Variants in PTPRD observed in about 807,000 individuals in gnomAD.
The protein encoded by PTPRD is protein tyrosine phosphatase receptor type D.
In PTPRD, 34 loss-of-function variants were observed where a neutral mutation model predicts 214.5. That is an observed-to-expected ratio of 0.16 (90% CI 0.12 to 0.21). The LOEUF is 0.21. Ranked by LOEUF, PTPRD falls within the 10% of genes least tolerant of loss-of-function variation. The pLI, the probability that PTPRD is intolerant of heterozygous loss-of-function variation, is 1.00. For synonymous variants in PTPRD, 1,128 were observed against 845.7 expected (o/e 1.33, Z -5.79); for missense variants, 2,545 against 2,398.7 (o/e 1.06, Z -1.27).
Position 9,822,701 on chromosome 9 carries a change from C to A in PTPRD, c.-367-55850G>T, listed in dbSNP as rs554856546. Among the ~76,000 whole-genome samples the A allele has an allele frequency of 5.9e-5, 9 of 151,924 alleles. 1 individual carries two copies. The East Asian group carries it at 1.6e-3, about 26-fold the overall frequency. On this transcript the variant is annotated intron_variant, in intron 5 of 45. Coordinates refer to ENST00000381196, the MANE Select transcript of PTPRD (RefSeq NM_002839.4). ...TAACAGAAAATAATCACAACCTACA[C>A]GTACTACAGATTGAGAATCACTAAT... is the stretch of plus-strand genomic sequence containing the variant.
chr9:10,393,293 GTGTGTGTGTGTT>G (rs1011282237), intron 2 of PTPRD, among the ~76,000 whole-genome samples: 5 of 151,720 alleles, frequency 3.3e-5, no homozygotes, highest in African/African-American at 1.2e-4. Flanking sequence ...TATTTTGTGT[GTGTGTGTGTGTT>G]TGTGTGTGTG....
intron 7 of PTPRD, among the ~76,000 whole-genome samples, chr9:9,676,462 T>G (rs2096932418): frequency 6.6e-6 from 1 of 152,070 alleles, no homozygotes; most frequent in Non-Finnish European, 1.5e-5. Flanking sequence ...GAACTCATCA[T>G]TTTTTATGGC....
Position 10,366,348 on chromosome 9 carries a change from G to C in PTPRD, c.-599-25331C>G, listed in dbSNP as rs181329319. 2.0e-5 allele frequency among the ~76,000 whole-genome samples: 3 copies of C among 152,274 alleles called. No homozygotes were observed. In the East Asian group the frequency reaches 5.8e-4, roughly 29 times the overall value. The stretch of plus-strand genomic sequence containing the variant: ...ACGGAAGGCTCATAAAGGTGAGAAA[G>C]TTTGCAGTTATCATTTTGACCTCTA... On this transcript the variant is annotated intron_variant, in intron 2 of 45. Coordinates refer to ENST00000381196, the MANE Select transcript of PTPRD (RefSeq NM_002839.4).
chr9:9,530,404 C>T (rs955984541), intron 8 of PTPRD, among the ~76,000 whole-genome samples: 2 of 152,058 alleles, frequency 1.3e-5, no homozygotes, highest in South Asian at 2.1e-4. Flanking sequence ...TGGATAAATT[C>T]CTGGACACAT....
intron 17 of PTPRD, 72 bp from the exon 18 acceptor site, chr9:8,525,107 C>G (rs2073714247): frequency 2.3e-6 from 3 of 1,299,598 alleles, no homozygotes; most frequent in East Asian, 4.6e-5. Flanking sequence ...AGCTAAACCT[C>G]TTAACAATAT....
intron 9 of PTPRD, among the ~76,000 whole-genome samples, chr9:9,236,358 T>C (rs1423675224): frequency 1.3e-5 from 2 of 151,978 alleles, no homozygotes; most frequent in African/African-American, 4.8e-5. Flanking sequence ...AATTTAAAAA[T>C]GGACACAAAG....
intron 35 of PTPRD, among the ~76,000 whole-genome samples, chr9:8,406,602 T>C (rs188752760): frequency 3.3e-5 from 5 of 152,306 alleles, no homozygotes; most frequent in African/African-American, 9.6e-5. Context: ...CCTGGCTCAG[T>C]AAATGGTCCA....
intron 11 of PTPRD, among the ~76,000 whole-genome samples, chr9:8,907,536 AT>A (rs1566940878): frequency 0.047 from 4,602 of 97,088 alleles, 120 homozygotes; most frequent in Non-Finnish European, 0.063. Context: ...AAAAAAAAAT[AT>A]ATATATATAT....
At chr9:8,830,521 G>T (rs77547370) in intron 11 of PTPRD, among the ~76,000 whole-genome samples, 1,891 of 152,152 alleles carry the variant, frequency 0.012, 28 homozygotes, top group African/African-American at 0.044. Context: ...CAGATGAGAG[G>T]TTTCAAGCAC....
intron 5 of PTPRD, among the ~76,000 whole-genome samples, chr9:9,908,989 C>T (rs553018231): frequency 1.1e-4 from 17 of 151,918 alleles, no homozygotes; most frequent in African/African-American, 4.1e-4. Flanking sequence ...TTAAAATTGA[C>T]ATGATCATAT....
chr9:9,851,715 G>A (rs1020924151), intron 5 of PTPRD, among the ~76,000 whole-genome samples: 11 of 152,154 alleles, frequency 7.2e-5, no homozygotes, highest in African/African-American at 2.7e-4. Flanking sequence ...AGGAGGTAAA[G>A]GCTACAGTTA....
chr9:10,033,139 A>G (rs2097113235), intron 4 of PTPRD, among the ~76,000 whole-genome samples: 2 of 151,388 alleles, frequency 1.3e-5, no homozygotes, highest in African/African-American at 4.8e-5. Context: ...ACACTCATAC[A>G]CACACAAACC....
chr9:9,064,561 T>C (rs1178046761), intron 10 of PTPRD, among the ~76,000 whole-genome samples: 5 of 152,194 alleles, frequency 3.3e-5, no homozygotes, highest in Non-Finnish European at 7.3e-5. Flanking sequence ...CTGATGAACA[T>C]GGCATACAAC....
intron 3 of PTPRD, among the ~76,000 whole-genome samples, chr9:10,159,614 C>T (rs1009082846): frequency 2.6e-5 from 4 of 151,494 alleles, no homozygotes; most frequent in Admixed American, 6.6e-5. Context: ...TCCCAGATAA[C>T]ATAGAAAAAT....
At chr9:8,722,376 ACC>A (rs2098510136) in intron 12 of PTPRD, among the ~76,000 whole-genome samples, 1 of 152,222 alleles carries the variant, frequency 6.6e-6, no homozygotes, top group African/African-American at 2.4e-5. Context: ...GGTTACTAAC[ACC>A]ATGTACTATT....
chr9:9,284,481 A>T (rs1375729915), intron 9 of PTPRD, among the ~76,000 whole-genome samples: 2 of 151,676 alleles, frequency 1.3e-5, no homozygotes, highest in Non-Finnish European at 2.9e-5. Flanking sequence ...GCAAAACAAT[A>T]TTAACTACTG....
At chr9:9,862,062 T>C (rs2062896017) in intron 5 of PTPRD, among the ~76,000 whole-genome samples, 1 of 152,182 alleles carries the variant, frequency 6.6e-6, no homozygotes. Flanking sequence ...AAAGATAAGA[T>C]TATGTGCTAA....
chr9:9,937,397 G>A lies in PTPRD; in HGVS notation c.-368+1110C>T, dbSNP rs961653448. ...TCATGTCAGAAGTATTTTTTCTCAA[G>A]CATGTGTTTTAATAGTTCCATAGAT... On this transcript the variant is annotated intron_variant, in intron 5 of 45. Coordinates refer to ENST00000381196, the MANE Select transcript of PTPRD (RefSeq NM_002839.4). Among the ~76,000 whole-genome samples the A allele has an allele frequency of 2.0e-5, 3 of 147,208 alleles. No homozygotes were observed. In the Admixed American group the frequency reaches 2.0e-4, roughly 10 times the overall value.
chr9:8,724,688 C>T (rs371522672), intron 12 of PTPRD, among the ~76,000 whole-genome samples: 20 of 152,082 alleles, frequency 1.3e-4, no homozygotes, highest in African/African-American at 4.6e-4. Context: ...AATCTCAGCA[C>T]GTCGGGAGGC....
Sources: allele counts gnomAD v4.1 joint callset (sites outside exome capture counted in the v4.1 genomes callset), GRCh38; gene constraint gnomAD v4.1.1; transcripts MANE v1.5; gene names NCBI Gene and HGNC (gene_info 2026-07-23, HGNC 2026-07-21).